SORCS1: variants seen among roughly 807,000 people sequenced by gnomAD.
SORCS1 encodes the protein VPS10 domain-containing receptor SorCS1.
A neutral mutation model predicts 146.1 loss-of-function variants in SORCS1; 60 were observed. That is an observed-to-expected ratio of 0.41 (90% CI 0.33 to 0.51). The LOEUF is 0.51. SORCS1 is among the 20% of genes least tolerant of loss of function. The probability of loss-of-function intolerance (pLI) is 0.21; values close to 1 mark genes in which losing one functional copy is unlikely to be tolerated. For missense variants in SORCS1, 1,352 were observed against 1,487.6 expected, an observed-to-expected ratio of 0.91 and a Z score of 1.50; for synonymous variants, 637 against 584.0, an observed-to-expected ratio of 1.09 and a Z score of -1.31.
At chr10:106,784,797 C>G (rs1412384741) in intron 3 of SORCS1, among the ~76,000 whole-genome samples, 1 of 152,132 alleles carries the variant, frequency 6.6e-6, no homozygotes, top group East Asian at 1.9e-4. Context: ...TAAAGAAACA[C>G]AGGTGAGAAG....
intron 2 of SORCS1, among the ~76,000 whole-genome samples, chr10:106,847,991 A>T (rs1949376998): frequency 6.9e-6 from 1 of 145,750 alleles, no homozygotes. Flanking sequence ...TGCTGAGGAG[A>T]GCTTTACTTC....
intron 1 of SORCS1, among the ~76,000 whole-genome samples, chr10:107,109,465 G>C (rs1309767241): frequency 6.6e-6 from 1 of 152,162 alleles, no homozygotes; most frequent in African/African-American, 2.4e-5. Context: ...GCTATATCTG[G>C]GGCCCTCTGA....
intron 2 of SORCS1, among the ~76,000 whole-genome samples, chr10:106,848,812 C>G (rs1310166251): frequency 2.1e-5 from 3 of 144,860 alleles, no homozygotes; most frequent in African/African-American, 7.6e-5. Flanking sequence ...ATTTGCTTGT[C>G]TGTAAAGTAT....
At chr10:106,720,374 T>A (rs926187197) in intron 6 of SORCS1, among the ~76,000 whole-genome samples, 1 of 151,364 alleles carries the variant, frequency 6.6e-6, no homozygotes, top group African/African-American at 2.4e-5. Flanking sequence ...CACTTCCCCA[T>A]CATTAAAATG....
At chr10:106,869,302 G>T (rs1159280694) in intron 2 of SORCS1, among the ~76,000 whole-genome samples, 2 of 152,120 alleles carry the variant, frequency 1.3e-5, no homozygotes, top group Admixed American at 1.3e-4. Context: ...AACATCTCCA[G>T]AAAACTGAAG....
intron 1 of SORCS1, among the ~76,000 whole-genome samples, chr10:107,065,318 A>G (rs1011246232): frequency 2.0e-5 from 3 of 151,914 alleles, no homozygotes; most frequent in Non-Finnish European, 4.4e-5. Flanking sequence ...CTCAGCCATG[A>G]GAATGCAGCA....
chr10:106,660,081 G>T (rs1393400386), intron 17 of SORCS1, among the ~76,000 whole-genome samples: 1 of 151,948 alleles, frequency 6.6e-6, no homozygotes, highest in Non-Finnish European at 1.5e-5. Context: ...TCTCCTTGAC[G>T]CACACTGAAA....
intron 1 of SORCS1, among the ~76,000 whole-genome samples, chr10:107,153,614 T>C (rs964312713): frequency 6.6e-6 from 1 of 152,198 alleles, no homozygotes; most frequent in Non-Finnish European, 1.5e-5. Flanking sequence ...GATCTTGCTC[T>C]TTTGCAAAAA....
intron 1 of SORCS1, among the ~76,000 whole-genome samples, chr10:107,034,456 G>T (rs1958800239): frequency 6.6e-6 from 1 of 151,790 alleles, no homozygotes; most frequent in Non-Finnish European, 1.5e-5. Context: ...GAGGCGGGCA[G>T]ATCACCTGAG....
chr10:106,896,744 C>T lies in SORCS1; in HGVS notation c.626+59769G>A, dbSNP rs544138474. Among the ~76,000 whole-genome samples the T allele has an allele frequency of 1.4e-4, 21 of 151,594 alleles. No individual in the cohort carries two copies. The Middle Eastern group carries it at 0.01, about 74-fold the overall frequency. The stretch of plus-strand genomic sequence containing the variant: ...ACTTTCCCCAACTAAAGCACCAACC[C>T]ATAACATATTACAAATATTAACACT... On this transcript the variant is annotated intron_variant, in intron 2 of 25. Coordinates refer to ENST00000263054, the MANE Select transcript of SORCS1 (RefSeq NM_052918.5).
intron 6 of SORCS1, among the ~76,000 whole-genome samples, chr10:106,728,608 T>C (rs1204742872): frequency 1.3e-5 from 2 of 152,208 alleles, no homozygotes; most frequent in Non-Finnish European, 2.9e-5. Flanking sequence ...AGAAATCTCA[T>C]GGTACATGCA....
chr10:106,877,933 T>C lies in SORCS1; in HGVS notation c.627-48260A>G, dbSNP rs141807937. ...ACAACTCTCAGAGTAGTAAGGAGGGTTCCAAATGTCAGTTTGTCTGACTCC... is the reference window on the plus strand; with the variant it reads ...ACAACTCTCAGAGTAGTAAGGAGGGCTCCAAATGTCAGTTTGTCTGACTCC... On this transcript the variant is annotated intron_variant, in intron 2 of 25. Transcript: ENST00000263054. Among the ~76,000 whole-genome samples the C allele has an allele frequency of 2.5e-3, 379 of 151,940 alleles. 2 individuals carry two copies. Among genetic ancestry groups the C allele is most frequent in the African/African-American group, 8.9e-3 (369 of 41,400 alleles).
intron 18 of SORCS1, among the ~76,000 whole-genome samples, chr10:106,642,438 G>GT (rs991915007): frequency 6.6e-6 from 1 of 152,104 alleles, no homozygotes; most frequent in Non-Finnish European, 1.5e-5. Flanking sequence ...GAAGATCCCT[G>GT]TTTTTATAAA....
intron 2 of SORCS1, among the ~76,000 whole-genome samples, chr10:106,940,469 G>C (rs1392989918): frequency 6.6e-6 from 1 of 152,216 alleles, no homozygotes; most frequent in Non-Finnish European, 1.5e-5. Flanking sequence ...GAGATGAATA[G>C]AAAGTGCTTA....
chr10:107,013,216 T>TG (rs1277950995), intron 1 of SORCS1, among the ~76,000 whole-genome samples: 1 of 152,096 alleles, frequency 6.6e-6, no homozygotes, highest in Non-Finnish European at 1.5e-5. Flanking sequence ...GCCTTAAGTA[T>TG]GTTTGGAAGA....
chr10:106,947,415 C>T (rs1305990919), intron 2 of SORCS1, among the ~76,000 whole-genome samples: 1 of 152,086 alleles, frequency 6.6e-6, no homozygotes, highest in African/African-American at 2.4e-5. Flanking sequence ...AAAGATCTAT[C>T]GGAAAGGTAA....
chr10:106,753,871 C>T (rs773358597), intron 5 of SORCS1, among the ~76,000 whole-genome samples: 3 of 152,208 alleles, frequency 2.0e-5, no homozygotes, highest in Non-Finnish European at 4.4e-5. Context: ...GTGCAGATAA[C>T]ACAGGCTCTC....
intron 1 of SORCS1, among the ~76,000 whole-genome samples, chr10:107,121,340 C>A (rs111245965): frequency 1.3e-3 from 205 of 152,192 alleles, no homozygotes; most frequent in African/African-American, 4.7e-3. Context: ...AATGCATGGA[C>A]CTAGGCAAAG....
intron 2 of SORCS1, among the ~76,000 whole-genome samples, chr10:106,929,704 G>C (rs1381360564): frequency 1.3e-5 from 2 of 152,104 alleles, no homozygotes; most frequent in Non-Finnish European, 2.9e-5. Flanking sequence ...GAATTTTGGA[G>C]TAGTCAGCAA....
Sources: allele counts gnomAD v4.1 joint callset (sites outside exome capture counted in the v4.1 genomes callset), GRCh38; gene constraint gnomAD v4.1.1; transcripts MANE v1.5; gene names NCBI Gene and HGNC (gene_info 2026-07-23, HGNC 2026-07-21).